Variants in MKLN1 observed in about 807,000 individuals in gnomAD.
MKLN1 encodes the protein muskelin.
A neutral mutation model predicts 99.0 loss-of-function variants in MKLN1; 18 were observed. The observed-to-expected ratio is 0.18, with a 90% CI of 0.13 to 0.27. The LOEUF (loss-of-function observed/expected upper bound fraction) is 0.27. Among genes scored for constraint, MKLN1 ranks in the 10% least tolerant of loss-of-function variants. The pLI, the probability that MKLN1 is intolerant of heterozygous loss-of-function variation, is 1.00. For synonymous variants in MKLN1, 288 were observed against 293.2 expected, an observed-to-expected ratio of 0.98 and a Z score of 0.18; for missense variants, 621 against 875.9, an observed-to-expected ratio of 0.71 and a Z score of 3.67.
At chr7:131,158,214 C>T (rs1256868013) in intron 2 of MKLN1, among the ~76,000 whole-genome samples, 6 of 152,010 alleles carry the variant, frequency 3.9e-5, no homozygotes, top group Admixed American at 1.3e-4. Context: ...CTGAGGCAGG[C>T]GGATCACCTG....
intron 2 of MKLN1, among the ~76,000 whole-genome samples, chr7:131,145,193 C>T (rs1795799849): frequency 6.6e-6 from 1 of 152,060 alleles, no homozygotes; most frequent in Non-Finnish European, 1.5e-5. Flanking sequence ...AGATTCTCTC[C>T]CCACCCCCAA....
intron 1 of MKLN1, among the ~76,000 whole-genome samples, chr7:131,341,308 A>G (rs1799401831): frequency 6.6e-6 from 1 of 152,170 alleles, no homozygotes. Flanking sequence ...GAACATTTTC[A>G]TAATCTCAAA....
chr7:131,446,545 T>A (rs1266528927), intron 12 of MKLN1, among the ~76,000 whole-genome samples: 1 of 152,108 alleles, frequency 6.6e-6, no homozygotes, highest in Admixed American at 6.6e-5. Flanking sequence ...AACAATAGAG[T>A]GAGAAATTAA....
intron 2 of MKLN1, among the ~76,000 whole-genome samples, chr7:131,192,994 T>A (rs115646176): frequency 2.1e-4 from 32 of 152,308 alleles, no homozygotes; most frequent in African/African-American, 7.5e-4. Flanking sequence ...GAAATCAGTG[T>A]AACAAGCATA....
At chr7:131,126,465 T>C (rs1467397959) in intron 1 of MKLN1, among the ~76,000 whole-genome samples, 1 of 152,206 alleles carries the variant, frequency 6.6e-6, no homozygotes, top group East Asian at 1.9e-4. Flanking sequence ...TTTTTAATAT[T>C]TCTAAAATGA....
chr7:131,328,099 G>T, intron 1 of MKLN1, 102 bp downstream of exon 1: 3 of 1,397,180 alleles, frequency 2.1e-6, no homozygotes, highest in Non-Finnish European at 2.0e-6. Context: ...GCCCAGGCGG[G>T]GCCTGCTGAG....
At chr7:131,303,618 C>T (rs1344244073) in intron 3 of MKLN1, among the ~76,000 whole-genome samples, 1 of 152,198 alleles carries the variant, frequency 6.6e-6, no homozygotes, top group East Asian at 1.9e-4. Context: ...GATTCCATCT[C>T]TTGGACTTCT....
At chr7:131,164,401 T>C (rs112851997) in intron 2 of MKLN1, among the ~76,000 whole-genome samples, 8,098 of 152,258 alleles carry the variant, frequency 0.053, 378 homozygotes, top group African/African-American at 0.13. Context: ...AGGTGTGTGC[T>C]GCCACACCCG....
intron 1 of MKLN1, among the ~76,000 whole-genome samples, chr7:131,336,022 A>G (rs1384331916): frequency 6.6e-6 from 1 of 151,004 alleles, no homozygotes; most frequent in Non-Finnish European, 1.5e-5. Context: ...TTCATTACAG[A>G]GAGAGGTGTC....
intron 1 of MKLN1, 57 bp downstream of exon 1, chr7:131,328,054 GC>G (rs1798943173): frequency 4.4e-6 from 7 of 1,575,618 alleles, no homozygotes; most frequent in Non-Finnish European, 6.0e-6. Flanking sequence ...GCACGGTTGG[GC>G]CAGGGGTGCA....
Position 131,139,903 on chromosome 7 carries a change from G to A in MKLN1, c.-418-2917G>A, listed in dbSNP as rs193136993. On this transcript the variant is annotated intron_variant, in intron 1 of 7. Coordinates refer to the MKLN1 transcript ENST00000416992. ...TCAACAGACAGGCCATGTCCTTCAA[G>A]AGCATTGGCAGGAGGTCAGCTGAGC... Among the ~76,000 whole-genome samples the A allele has an allele frequency of 1.9e-3, 297 of 152,310 alleles. 3 individuals carry two copies. The highest frequency in any genetic ancestry group is 6.3e-3 in the African/African-American group (261 of 41,556).
At chr7:131,309,362 T>C (rs1231435104) in intron 3 of MKLN1, among the ~76,000 whole-genome samples, 2 of 152,180 alleles carry the variant, frequency 1.3e-5, no homozygotes, top group African/African-American at 4.8e-5. Context: ...ACATAGATTC[T>C]AGTTGCCGTG....
At chr7:131,279,487 T>C (rs182099551) in intron 3 of MKLN1, among the ~76,000 whole-genome samples, 3 of 152,280 alleles carry the variant, frequency 2.0e-5, no homozygotes, top group Non-Finnish European at 4.4e-5. Flanking sequence ...CTATTTCACA[T>C]ACCATAAAAA....
intron 1 of MKLN1, among the ~76,000 whole-genome samples, chr7:131,130,770 T>C (rs564541189): frequency 1.3e-5 from 2 of 152,210 alleles, no homozygotes; most frequent in African/African-American, 4.8e-5. Flanking sequence ...CAAATGTGGA[T>C]TGGATGAGAT....
At chr7:131,272,979 G>T (rs1797910107) in intron 3 of MKLN1, among the ~76,000 whole-genome samples, 1 of 152,194 alleles carries the variant, frequency 6.6e-6, no homozygotes, top group Non-Finnish European at 1.5e-5. Context: ...TCCCTTAATT[G>T]TCTTCAAATG....
intron 1 of MKLN1, among the ~76,000 whole-genome samples, chr7:131,345,550 C>T (rs1799534582): frequency 6.6e-6 from 1 of 152,070 alleles, no homozygotes; most frequent in Non-Finnish European, 1.5e-5. Context: ...GACCTCTTCT[C>T]TACAAAACGT....
chr7:131,388,126 C>T (rs1367258726), intron 3 of MKLN1, among the ~76,000 whole-genome samples: 1 of 152,156 alleles, frequency 6.6e-6, no homozygotes, highest in Non-Finnish European at 1.5e-5. Flanking sequence ...AAGATCGCAC[C>T]ACTGCACTCC....
intron 1 of MKLN1, among the ~76,000 whole-genome samples, chr7:131,114,727 C>T (rs1439495714): frequency 6.6e-6 from 1 of 152,074 alleles, no homozygotes; most frequent in Non-Finnish European, 1.5e-5. Flanking sequence ...GAGCGAATCA[C>T]CTGAGGTTAG....
chr7:131,476,880 A>G (rs1796982022), intron 16 of MKLN1, among the ~76,000 whole-genome samples: 1 of 152,264 alleles, frequency 6.6e-6, no homozygotes, highest in Non-Finnish European at 1.5e-5. Context: ...TACTGGCTTA[A>G]GGATAGACAA....
Sources: allele counts gnomAD v4.1 joint callset (sites outside exome capture counted in the v4.1 genomes callset), GRCh38; gene constraint gnomAD v4.1.1; transcripts MANE v1.5; gene names NCBI Gene and HGNC (gene_info 2026-07-23, HGNC 2026-07-21).